The following NMNAT1 variants were observed in gnomAD, a reference collection of about 807,000 sequenced individuals.
NMNAT1 encodes the protein nicotinamide/nicotinic acid mononucleotide adenylyltransferase 1.
NMNAT1 carries 11 observed loss-of-function variants against 16.7 expected under a neutral mutation model. The ratio of observed to expected loss-of-function variants is 0.66; its 90% CI spans 0.41 to 1.09. NMNAT1 has a LOEUF of 1.09. NMNAT1 is among the 50% of genes least tolerant of loss of function. NMNAT1 has a pLI of 0.00. For missense variants in NMNAT1, 280 were observed against 332.3 expected (o/e 0.84, Z 1.22); for synonymous variants, 110 against 119.8 (o/e 0.92, Z 0.53).
intron 3 of NMNAT1, among the ~76,000 whole-genome samples, 166 bp downstream of exon 3, chr1:9,975,941 C>T (rs569072329): frequency 6.3e-4 from 96 of 152,276 alleles, no homozygotes; most frequent in African/African-American, 2.3e-3. Flanking sequence ...CTGTAGAGCA[C>T]AGCACCAAAG....
At chr1:9,954,802 G>A (rs146065273) in intron 1 of NMNAT1, among the ~76,000 whole-genome samples, 2,668 of 151,160 alleles carry the variant, frequency 0.018, 34 homozygotes, top group Non-Finnish European at 0.027. Context: ...GTGGTGGCGC[G>A]TGCCTGTAAT....
intron 1 of NMNAT1, among the ~76,000 whole-genome samples, chr1:9,971,779 A>C (rs944504525): frequency 6.6e-6 from 1 of 152,086 alleles, no homozygotes; most frequent in African/African-American, 2.4e-5. Flanking sequence ...CCTGGGCAAC[A>C]TAGCAAGACC....
At chr1:9,990,421 A>G (rs116833574), downstream of NMNAT1, among the ~76,000 whole-genome samples, 888 of 152,300 alleles carry the variant, frequency 5.8e-3, 9 homozygotes, top group Middle Eastern at 0.02. Context: ...GTTAAAATCA[A>G]AGAAACATCT....
chr1:9,946,960 T>G (rs1250894612), intron 1 of NMNAT1, among the ~76,000 whole-genome samples: 1 of 152,148 alleles, frequency 6.6e-6, no homozygotes, highest in Non-Finnish European at 1.5e-5. Flanking sequence ...AGTCACCCAG[T>G]CTGTGGTATT....
intron 1 of NMNAT1, among the ~76,000 whole-genome samples, chr1:9,965,564 C>T (rs889830533): frequency 1.8e-4 from 28 of 151,490 alleles, no homozygotes; most frequent in Non-Finnish European, 3.5e-4. Flanking sequence ...CCACCACACT[C>T]GCTAATTTTT....
chr1:9,971,506 GTTT>G (rs1641687052), intron 1 of NMNAT1, among the ~76,000 whole-genome samples: 1 of 152,110 alleles, frequency 6.6e-6, no homozygotes, highest in African/African-American at 2.4e-5. Flanking sequence ...TAAAGACGAG[GTTT>G]TACCATGTTG....
At chr1:9,943,685 G>C (rs1410899827) in intron 1 of NMNAT1, among the ~76,000 whole-genome samples, 170 bp downstream of exon 1, 2 of 152,142 alleles carry the variant, frequency 1.3e-5, no homozygotes. Context: ...TCAGTGGAAC[G>C]GAAAACTTCG....
chr1:9,981,089 C>A lies in NMNAT1; in HGVS notation c.358C>A (p.Leu120Ile). 1 of 1,613,928 alleles carries A rather than the reference C, an allele frequency of 6.2e-7. No individual in the cohort carries two copies. The highest frequency in any genetic ancestry group is 2.2e-5 in the East Asian group (1 of 44,870). The change falls in exon 4 of 5, where the codon CTA (leucine) becomes ATA (isoleucine). Residue 120 changes from leucine (L) to isoleucine (I), a missense_variant. Transcript: ENST00000377205. ...TGATCACCAGCAGAACTCACCTACT[C>A]TAGAAAGGCCTGGAAGGAAGAGGAA... Reference protein sequence around the residue: ...DCDHQQNSPTLERPGRKRKWT... With the variant: ...DCDHQQNSPTIERPGRKRKWT...
intron 1 of NMNAT1, among the ~76,000 whole-genome samples, chr1:9,971,688 C>T (rs531358447): frequency 2.7e-4 from 41 of 152,098 alleles, no homozygotes; most frequent in African/African-American, 8.4e-4. Context: ...CTGGGCTGGG[C>T]GTGGTGACTC....
Position 9,981,165 on chromosome 1 carries a change from C to G in NMNAT1, c.434C>G (p.Thr145Arg). Residue 145 changes from threonine to arginine, a missense_variant, in exon 4 of 5, where the codon ACA becomes AGA. Physicochemically the swap from Thr to Arg is moderately conservative, Grantham distance 71. Coordinates refer to ENST00000377205, the MANE Select transcript of NMNAT1 (RefSeq NM_022787.4). ...CAAAAGAAATCCCTAGAGCCAAAAA[C>G]AAAAGGTTTGTATGTTTTAGCAGGA... ...SSQKKSLEPKTKAVPKVKLLC... is the reference protein window; with the variant it reads ...SSQKKSLEPKRKAVPKVKLLC... The G allele has an allele frequency of 6.2e-7, 1 of 1,609,396 alleles. No homozygotes were observed. Among genetic ancestry groups the G allele is most frequent in the South Asian group, 1.1e-5 (1 of 90,342 alleles).
chr1:9,962,142 A>G (rs769460918), intron 1 of NMNAT1, among the ~76,000 whole-genome samples: 35 of 151,994 alleles, frequency 2.3e-4, no homozygotes, highest in Non-Finnish European at 1.3e-4. Context: ...ATCCCGTCCA[A>G]TGAATTCCAA....
At chr1:9,955,753 G>T (rs1319149831) in intron 1 of NMNAT1, 1 of 152,066 alleles carries the variant, frequency 6.6e-6, no homozygotes, top group Non-Finnish European at 1.5e-5. Context: ...AATTTTTGTT[G>T]TAGCAGTGTC....
At chr1:9,981,217 TG>T (rs1641940502) in intron 4 of NMNAT1, 47 bp downstream of exon 4, 1 of 1,578,058 alleles carries the variant, frequency 6.3e-7, no homozygotes, top group African/African-American at 1.4e-5. Flanking sequence ...GATAAGATTC[TG>T]TAGCTGAGCA....
Position 9,968,080 on chromosome 1 carries a change from G to GTTTTTTTTT in NMNAT1, c.-56-3937_-56-3929dup, listed in dbSNP as rs6143117. 6.8e-5 allele frequency among the ~76,000 whole-genome samples: 8 copies of GTTTTTTTTT among 117,774 alleles called. 2 individuals carry two copies. Among genetic ancestry groups the GTTTTTTTTT allele is most frequent in the East Asian group, 2.6e-4 (1 of 3,774 alleles). The allele number at this position is 117,774 out of a possible 152,430, so 77.3% of individuals were successfully genotyped here. On this transcript the variant is annotated intron_variant, in intron 1 of 4. Coordinates refer to ENST00000377205, the MANE Select transcript of NMNAT1 (RefSeq NM_022787.4). ...TTTGCCAAATGTAGTTTTTTTTTTT[G>GTTTTTTTTT]TTTTTTTTTGAGATGGAGTCTCGCT...
intron 4 of NMNAT1, 140 bp from the exon 5 acceptor site, chr1:9,982,161 C>T (rs1224034551): frequency 8.6e-7 from 1 of 1,157,666 alleles, no homozygotes; most frequent in South Asian, 1.5e-5. Context: ...CCGCACTCGG[C>T]CTAAGCCCTC....
rs970999893 is a variant in NMNAT1, at chr1:9,984,702, AC to A, written c.*2004del. ...TGATGCTGGGGGTTTTATGTGTTGTACCCTTTACCCCTTACATTGTGTAATT... is the reference window on the plus strand; with the variant it reads ...TGATGCTGGGGGTTTTATGTGTTGTACCTTTACCCCTTACATTGTGTAATT... On this transcript the variant is annotated 3_prime_UTR_variant, in exon 5 of 5. Transcript: ENST00000377205. The A allele has an allele frequency of 6.6e-6, 1 of 152,064 alleles. No homozygotes were observed. The highest frequency in any genetic ancestry group is 1.5e-5 in the Non-Finnish European group (1 of 68,030). 9.4% of individuals were successfully genotyped at this position (152,064 alleles called of 1,614,324 possible).
rs1305151671 is a variant in NMNAT1, at chr1:9,981,097, G to A, written c.366G>A (p.Arg122=). The A allele has an allele frequency of 1.6e-5, 26 of 1,613,970 alleles. 2 individuals carry two copies. The African/African-American group carries it at 2.0e-4, about 12-fold the overall frequency. ...DHQQNSPTLE[R]PGRKRKWTET... ...AGCAGAACTCACCTACTCTAGAAAG[G>A]CCTGGAAGGAAGAGGAAGTGGACTG... Residue 122 remains arginine (R), a synonymous_variant, in exon 4 of 5, where the codon AGG becomes AGA. Coordinates refer to ENST00000377205, the MANE Select transcript of NMNAT1 (RefSeq NM_022787.4).
intron 1 of NMNAT1, among the ~76,000 whole-genome samples, chr1:9,955,176 G>T (rs985120071): frequency 1.3e-4 from 20 of 152,052 alleles, no homozygotes; most frequent in African/African-American, 4.8e-4. Context: ...GCTGAGGCTG[G>T]TGGATCACCT....
the NMNAT1 span, among the ~76,000 whole-genome samples, chr1:9,992,837 A>G: frequency 6.6e-6 from 1 of 152,134 alleles, no homozygotes; most frequent in African/African-American, 2.4e-5. Context: ...GTGTGAACCC[A>G]GGAGGCGGAG....
Sources: allele counts gnomAD v4.1 joint callset (sites outside exome capture counted in the v4.1 genomes callset), GRCh38; gene constraint gnomAD v4.1.1; transcripts MANE v1.5; gene names NCBI Gene and HGNC (gene_info 2026-07-23, HGNC 2026-07-21).